AGGF1: variants seen among roughly 807,000 people sequenced by gnomAD.
The protein encoded by AGGF1 is angiogenic factor with G-patch and FHA domains 1, also known as angiogenic factor with G patch and FHA domains 1.
AGGF1 carries 56 observed loss-of-function variants against 86.5 expected under a neutral mutation model. The ratio of observed to expected loss-of-function variants is 0.65; its 90% CI spans 0.52 to 0.81. AGGF1 has a LOEUF of 0.81. Ranked by LOEUF, AGGF1 falls within the 30% of genes least tolerant of loss-of-function variation. AGGF1 has a pLI of 0.00. For missense variants in AGGF1, 816 were observed against 850.9 expected (o/e 0.96, Z 0.51); for synonymous variants, 313 against 297.1 (o/e 1.05, Z -0.55).
intron 5 of AGGF1, among the ~76,000 whole-genome samples, chr5:77,043,965 C>T (rs1274913527): frequency 2.9e-5 from 4 of 135,622 alleles, no homozygotes; most frequent in Non-Finnish European, 4.8e-5. Flanking sequence ...GAGGCGCTCC[C>T]CACATCTCAG....
Position 77,033,541 on chromosome 5 carries a change from G to T in AGGF1, c.211-877G>T, listed in dbSNP as rs543376970. On this transcript the variant is annotated intron_variant, in intron 1 of 13. Coordinates refer to ENST00000312916, the MANE Select transcript of AGGF1 (RefSeq NM_018046.5). ...TAATGGGGCACTAATTCCCAGCGAT[G>T]AACTCTGTACTTGCATGAATCAGAG... 7.2e-5 allele frequency among the ~76,000 whole-genome samples: 11 copies of T among 152,290 alleles called. No homozygotes were observed. In the South Asian group the frequency reaches 2.1e-3, roughly 29 times the overall value.
intron 11 of AGGF1, among the ~76,000 whole-genome samples, chr5:77,058,695 C>G (rs1317036841): frequency 6.6e-6 from 1 of 152,152 alleles, no homozygotes; most frequent in Non-Finnish European, 1.5e-5. Flanking sequence ...AGTTGCTCTC[C>G]AGTCCCTAGC....
chr5:77,033,154 T>C (rs1746903009), intron 1 of AGGF1, among the ~76,000 whole-genome samples: 1 of 152,126 alleles, frequency 6.6e-6, no homozygotes, highest in South Asian at 2.1e-4. Context: ...CCTCCCTTGG[T>C]TGGGGAGAGG....
At position 77,064,449 on chromosome 5, in the gene AGGF1, A is replaced by G. The variant is rs1202546432; in HGVS notation, c.*1197A>G. 1 of 152,224 alleles carries G rather than the reference A, an allele frequency of 6.6e-6. No individual in the cohort carries two copies. Among genetic ancestry groups the G allele is most frequent in the African/African-American group, 2.4e-5 (1 of 41,456 alleles). 9.4% of individuals were successfully genotyped at this position (152,224 alleles called of 1,614,324 possible). A position where few individuals can be genotyped will look rare whatever the true frequency, so the allele number is the denominator to read the frequency against. On this transcript the variant is annotated 3_prime_UTR_variant, in exon 14 of 14. Transcript: ENST00000312916. ...TTATACAGTAGTAAAGATAATTCAG[A>G]AAGAAAAAGCTACCTGTTAGAATTT... is the stretch of plus-strand genomic sequence containing the variant.
chr5:77,048,261 T>C lies in AGGF1; in HGVS notation c.1302T>C (p.Ala434=). Reference sequence around the variant, plus strand: ...TTATCATTACTGCTGTAAACCCTGCTACAATTGGAAGGTAAAATGGTTAAT... The same window carrying C: ...TTATCATTACTGCTGTAAACCCTGCCACAATTGGAAGGTAAAATGGTTAAT... ...SLFIITAVNP[A]TIGREKDMEH... is the part of the protein sequence containing the mutation. Residue 434 remains alanine (A), a synonymous_variant, in exon 7 of 14, where the codon GCT becomes GCC. Coordinates refer to ENST00000312916, the MANE Select transcript of AGGF1 (RefSeq NM_018046.5). The C allele has an allele frequency of 6.2e-7, 1 of 1,604,600 alleles. No homozygotes were observed. The highest frequency in any genetic ancestry group is 8.5e-7 in the Non-Finnish European group (1 of 1,171,602).
chr5:77,063,272 A>C lies in AGGF1; in HGVS notation c.*20A>C. ...GAGTGAAGGCTAATCATAGAAAAAA[A>C]ACCTCTAGTTTTTTTAAAAATAGAA... On this transcript the variant is annotated 3_prime_UTR_variant, in exon 14 of 14. Coordinates refer to ENST00000312916, the MANE Select transcript of AGGF1 (RefSeq NM_018046.5). The C allele has an allele frequency of 6.2e-7, 1 of 1,608,052 alleles. No individual in the cohort carries two copies. Among genetic ancestry groups the C allele is most frequent in the Non-Finnish European group, 8.5e-7 (1 of 1,176,044 alleles).
intron 6 of AGGF1, 119 bp downstream of exon 6, chr5:77,046,796 G>A: frequency 9.9e-7 from 1 of 1,009,764 alleles, no homozygotes. Context: ...TTATTTTAAT[G>A]ATGTTATTGA....
rs1173007882 is a variant in AGGF1, at chr5:77,063,682, C to T, written c.*430C>T. The stretch of plus-strand genomic sequence containing the variant: ...CTGACTATATGCATCCTCATTTATT[C>T]CCTTTAGAACCTAGGTAAAAAATGT... On this transcript the variant is annotated 3_prime_UTR_variant, in exon 14 of 14. Transcript: ENST00000312916. 2 of 168,794 alleles carry T rather than the reference C, an allele frequency of 1.2e-5. No homozygotes were observed. The highest frequency in any genetic ancestry group is 2.6e-5 in the Non-Finnish European group (2 of 78,272). The allele number at this position is 168,794 out of a possible 1,614,324, so 10.5% of individuals were successfully genotyped here. A position where few individuals can be genotyped will look rare whatever the true frequency, so the allele number is the denominator to read the frequency against.
chr5:77,049,137 C>T (rs1393889460), intron 8 of AGGF1, 150 bp downstream of exon 8: 4 of 673,352 alleles, frequency 5.9e-6, no homozygotes, highest in Middle Eastern at 4.0e-4. Context: ...TCTGTTTATT[C>T]CAGTGCTTGA....
In AGGF1 at chr5:77,063,214, C is replaced by G; in HGVS notation, c.2107C>G (p.Pro703Ala). The change falls in exon 14 of 14, where the codon CCA (proline) becomes GCA (alanine). Residue 703 changes from proline to alanine, a missense_variant. Pro to Ala is a conservative substitution (Grantham distance 27). Transcript: ENST00000312916. The part of the protein sequence containing the change: ...FPETKPQKDD[P>A]GTMPWVKGTL... ...AGAAACTAAGCCTCAAAAAGATGAC[C>G]CAGGGACCATGCCTTGGGTAAAAGG... is the stretch of plus-strand genomic sequence containing the variant. 6.2e-7 allele frequency: 1 copy of G among 1,613,810 alleles called. No homozygotes were observed. Among genetic ancestry groups the G allele is most frequent in the Non-Finnish European group, 8.5e-7 (1 of 1,179,876 alleles).
chr5:77,062,844 T>C (rs1337907567), intron 13 of AGGF1, among the ~76,000 whole-genome samples: 8 of 152,208 alleles, frequency 5.3e-5, no homozygotes, highest in Admixed American at 3.9e-4. Context: ...GCTGTACTTA[T>C]TGACAAGGCA....
intron 11 of AGGF1, 27 bp downstream of exon 11, chr5:77,055,623 T>A (rs1338261354): frequency 7.4e-6 from 11 of 1,486,300 alleles, no homozygotes; most frequent in Non-Finnish European, 1.0e-5. Flanking sequence ...TTGTTTCATT[T>A]GTTAAGCTGT....
At chr5:77,039,780 A>G in intron 5 of AGGF1, 61 bp downstream of exon 5, 1 of 1,436,414 alleles carries the variant, frequency 7.0e-7, no homozygotes, top group South Asian at 1.3e-5. Flanking sequence ...TTAAGACAAA[A>G]TTTTTTATGA....
intron 8 of AGGF1, among the ~76,000 whole-genome samples, chr5:77,050,277 C>T (rs377052150): frequency 2.5e-4 from 33 of 130,834 alleles, no homozygotes; most frequent in African/African-American, 9.1e-4. Context: ...ATAGATAGTT[C>T]TATGGTGGCT....
At chr5:77,059,785 T>A (rs1256276015) in intron 12 of AGGF1, 42 bp downstream of exon 12, 1 of 1,610,004 alleles carries the variant, frequency 6.2e-7, no homozygotes, top group Admixed American at 1.7e-5. Flanking sequence ...CCTTTGTTCA[T>A]AATAACATTC....
intron 1 of AGGF1, 124 bp downstream of exon 1, chr5:77,031,100 A>C: frequency 1.3e-5 from 13 of 1,036,438 alleles, no homozygotes; most frequent in Non-Finnish European, 1.9e-5. Flanking sequence ...AAAGTAAATA[A>C]GTAGAAGCTC....
intron 12 of AGGF1, among the ~76,000 whole-genome samples, chr5:77,061,267 A>G (rs1561292482): frequency 6.6e-6 from 1 of 152,234 alleles, no homozygotes; most frequent in Non-Finnish European, 1.5e-5. Context: ...TCACCATCCT[A>G]ACAGCAATAG....
intron 5 of AGGF1, 56 bp from the exon 6 acceptor site, chr5:77,046,291 A>G: frequency 7.4e-7 from 1 of 1,358,652 alleles, no homozygotes; most frequent in Non-Finnish European, 1.1e-6. Context: ...GTTATAAGAT[A>G]GTGATGTTTA....
chr5:77,048,760 T>C (rs1352017328), intron 7 of AGGF1, among the ~76,000 whole-genome samples, 176 bp from the exon 8 acceptor site: 1 of 152,218 alleles, frequency 6.6e-6, no homozygotes, highest in Non-Finnish European at 1.5e-5. Flanking sequence ...AAATAATCAC[T>C]GTGTGAAAGC....
Sources: gnomAD v4.1 joint callset for allele counts (sites outside exome capture counted in the v4.1 genomes callset) on GRCh38, gnomAD v4.1.1 for gene constraint, MANE v1.5 for transcripts, NCBI Gene and HGNC (gene_info 2026-07-23, HGNC 2026-07-21) for gene names.